Variants in RASEF observed in about 807,000 individuals in gnomAD.
RASEF encodes RAS and EF-hand domain containing.
Under a neutral mutation model 90.1 loss-of-function variants are expected in RASEF, and 68 were observed. The observed-to-expected ratio is 0.75, with a 90% CI of 0.62 to 0.92. The LOEUF (loss-of-function observed/expected upper bound fraction) is 0.92. Ranked by LOEUF, RASEF falls within the 40% of genes least tolerant of loss-of-function variation. RASEF has a pLI of 0.00. For synonymous variants in RASEF, 331 were observed against 345.2 expected (o/e 0.96, Z 0.46); for missense variants, 949 against 937.2 (o/e 1.01, Z -0.16).
intron 16 of RASEF, among the ~76,000 whole-genome samples, chr9:82,990,037 T>C (rs1037442074): frequency 1.2e-4 from 18 of 152,216 alleles, no homozygotes; most frequent in Admixed American, 4.6e-4. Context: ...CTTTTTCCCC[T>C]TTTGCCCGGG....
the RASEF span, among the ~76,000 whole-genome samples, chr9:83,215,870 C>T: frequency 1.3e-5 from 2 of 152,140 alleles, no homozygotes; most frequent in African/African-American, 2.4e-5. Context: ...TTCCTAGAGA[C>T]TTATTGAATG....
chr9:83,169,606 G>A, the RASEF span, among the ~76,000 whole-genome samples: 1 of 151,334 alleles, frequency 6.6e-6, no homozygotes, highest in African/African-American at 2.4e-5. Context: ...TTTGTTTTTT[G>A]TTTTGTTTTT....
intron 3 of RASEF, among the ~76,000 whole-genome samples, chr9:83,021,177 C>T (rs1435234221): frequency 6.6e-6 from 1 of 152,184 alleles, no homozygotes; most frequent in African/African-American, 2.4e-5. Flanking sequence ...CCGTGCTAGG[C>T]ACTTTATATA....
intron 15 of RASEF, among the ~76,000 whole-genome samples, chr9:82,991,158 T>G (rs1828807188): frequency 6.6e-6 from 1 of 152,182 alleles, no homozygotes; most frequent in Admixed American, 6.5e-5. Flanking sequence ...GGCCTTCCTC[T>G]AATTCTCCAG....
intron 1 of RASEF, among the ~76,000 whole-genome samples, chr9:83,039,521 G>A (rs1829801250): frequency 6.6e-6 from 1 of 152,186 alleles, no homozygotes; most frequent in Admixed American, 6.5e-5. Flanking sequence ...ACAGTGTGAA[G>A]GAGTGAGCAG....
chr9:83,123,213 C>CT, the RASEF span, among the ~76,000 whole-genome samples: 1 of 135,080 alleles, frequency 7.4e-6, no homozygotes. Context: ...GCACTCTGGC[C>CT]TGGGCTACAG....
chr9:83,203,935 T>C, the RASEF span, among the ~76,000 whole-genome samples: 1 of 152,280 alleles, frequency 6.6e-6, no homozygotes, highest in South Asian at 2.1e-4. Context: ...GCAGTGGCAA[T>C]TCACTGCAGA....
the RASEF span, among the ~76,000 whole-genome samples, chr9:83,135,360 A>G: frequency 6.6e-6 from 1 of 151,988 alleles, no homozygotes; most frequent in Non-Finnish European, 1.5e-5. Context: ...GGTGGGGGGA[A>G]GAGGGAGGGA....
the RASEF span, among the ~76,000 whole-genome samples, chr9:83,185,352 T>TA: frequency 1.1e-5 from 1 of 94,868 alleles, no homozygotes; most frequent in Non-Finnish European, 2.7e-5. Flanking sequence ...TTTCTTTCTT[T>TA]CTTTTTTTTT....
intron 5 of RASEF, 147 bp from the exon 6 acceptor site, chr9:83,009,903 T>A (rs1025755226): frequency 1.8e-6 from 1 of 549,282 alleles, no homozygotes; most frequent in South Asian, 2.7e-5. Flanking sequence ...TATTTGTCAA[T>A]TCAAGGTAAT....
intron 1 of RASEF, chr9:83,049,251 C>T: frequency 4.3e-6 from 4 of 934,948 alleles, no homozygotes; most frequent in Non-Finnish European, 5.1e-6. Context: ...AGCATCAGTA[C>T]ATTTCTAAAA....
rs372126938 is a variant in RASEF, at chr9:83,062,387, G to A, written c.431+50C>T. ...CACACCTGCAAGTAAGTGGGAAGAA[G>A]CAAGCAGGAAGCGCCAGAATAACCT... On this transcript the variant is annotated intron_variant, in intron 1 of 16. Coordinates refer to ENST00000376447, the MANE Select transcript of RASEF (RefSeq NM_152573.4). 42 of 1,583,886 alleles carry A rather than the reference G, an allele frequency of 2.7e-5. No individual in the cohort carries two copies. The East Asian group carries it at 8.1e-4, about 31-fold the overall frequency.
chr9:83,142,211 A>T, the RASEF span, among the ~76,000 whole-genome samples: 1 of 152,244 alleles, frequency 6.6e-6, no homozygotes, highest in Non-Finnish European at 1.5e-5. Flanking sequence ...AAGAAAAAAC[A>T]ATCACACTGA....
chr9:82,997,678 A>T (rs946711644), intron 13 of RASEF, among the ~76,000 whole-genome samples: 2 of 152,184 alleles, frequency 1.3e-5, no homozygotes, highest in Non-Finnish European at 2.9e-5. Flanking sequence ...ATATTTTATA[A>T]GTATTTTAAA....
At chr9:83,166,126 T>C in the RASEF span, among the ~76,000 whole-genome samples, 5 of 152,178 alleles carry the variant, frequency 3.3e-5, no homozygotes, top group African/African-American at 1.2e-4. Context: ...TTTCAGAAGA[T>C]AGAAGCAGAG....
rs1179144199 is a variant in RASEF at position 83,062,964 on chromosome 9, G to A, written c.-97C>T. ...GCCACCTGCTGCCGCCGGGAGGCCCGGCGAGTTTGGCTCGTCCGGCTGGTT... is the reference window on the plus strand; with the variant it reads ...GCCACCTGCTGCCGCCGGGAGGCCCAGCGAGTTTGGCTCGTCCGGCTGGTT... On this transcript the variant is annotated 5_prime_UTR_variant, in exon 1 of 17. Coordinates refer to ENST00000376447, the MANE Select transcript of RASEF (RefSeq NM_152573.4). 2.4e-6 allele frequency: 3 copies of A among 1,267,322 alleles called. No homozygotes were observed. Among genetic ancestry groups the A allele is most frequent in the Non-Finnish European group, 3.1e-6 (3 of 980,264 alleles). 78.5% of individuals were successfully genotyped at this position (1,267,322 alleles called of 1,614,324 possible). A position where few individuals can be genotyped will look rare whatever the true frequency, so the allele number is the denominator to read the frequency against.
chr9:82,984,037 G>A (rs918817338), intron 16 of RASEF, among the ~76,000 whole-genome samples: 1 of 152,196 alleles, frequency 6.6e-6, no homozygotes, highest in African/African-American at 2.4e-5. Flanking sequence ...GTTTTGGGAT[G>A]GTTTATGATG....
chr9:83,107,299 GC>G, the RASEF span, among the ~76,000 whole-genome samples: 1 of 152,188 alleles, frequency 6.6e-6, no homozygotes, highest in East Asian at 1.9e-4. Flanking sequence ...ATCTATTCTA[GC>G]ATTTTCCAGA....
chr9:83,159,249 C>G, the RASEF span, among the ~76,000 whole-genome samples: 1 of 151,666 alleles, frequency 6.6e-6, no homozygotes, highest in Non-Finnish European at 1.5e-5. Context: ...TTTGATACAT[C>G]CAATTAATCA....
Sources: gnomAD v4.1 joint callset for allele counts (sites outside exome capture counted in the v4.1 genomes callset) on GRCh38, gnomAD v4.1.1 for gene constraint, MANE v1.5 for transcripts, NCBI Gene and HGNC (gene_info 2026-07-23, HGNC 2026-07-21) for gene names.